NXPE4: variants seen among roughly 807,000 people sequenced by gnomAD.
NXPE4 encodes neurexophilin and PC-esterase domain family member 4, also known as NXPE family member 4.
Under a neutral mutation model 33.3 loss-of-function variants are expected in NXPE4, and 42 were observed. The observed-to-expected ratio is 1.26, with a 90% confidence interval of 0.98 to 1.63. The LOEUF (loss-of-function observed/expected upper bound fraction) is 1.63. Ranked by LOEUF, NXPE4 falls within the 40% of genes most tolerant of loss-of-function variation. NXPE4 has a pLI of 0.00. For synonymous variants in NXPE4, 253 were observed against 234.9 expected, an observed-to-expected ratio of 1.08 and a Z score of -0.71; for missense variants, 709 against 647.6, an observed-to-expected ratio of 1.09 and a Z score of -1.03.
the NXPE4 span, among the ~76,000 whole-genome samples, chr11:114,642,844 C>G: frequency 6.6e-6 from 1 of 152,090 alleles, no homozygotes; most frequent in Non-Finnish European, 1.5e-5. Flanking sequence ...GCCACACTGT[C>G]TTCCACAATG....
the NXPE4 span, among the ~76,000 whole-genome samples, chr11:114,663,441 G>A: frequency 2.0e-5 from 3 of 152,044 alleles, no homozygotes; most frequent in Non-Finnish European, 2.9e-5. Context: ...TAAAATGGGG[G>A]TTGTCTTAGA....
At chr11:114,630,568 C>T in the NXPE4 span, among the ~76,000 whole-genome samples, 1 of 151,572 alleles carries the variant, frequency 6.6e-6, no homozygotes, top group Admixed American at 6.6e-5. Flanking sequence ...ACCATAAAAA[C>T]CCCAGAAGAA....
At chr11:114,642,052 AG>A in the NXPE4 span, among the ~76,000 whole-genome samples, 2 of 152,240 alleles carry the variant, frequency 1.3e-5, no homozygotes, top group African/African-American at 4.8e-5. Context: ...TTCTTTCCAA[AG>A]AATACAGCAT....
chr11:114,581,140 T>G (rs1206276739), intron 4 of NXPE4, among the ~76,000 whole-genome samples: 3 of 152,232 alleles, frequency 2.0e-5, no homozygotes, highest in African/African-American at 7.2e-5. Context: ...GTTTTAATGC[T>G]GAACTTGCAG....
the NXPE4 span, among the ~76,000 whole-genome samples, chr11:114,614,307 T>C: frequency 2.0e-5 from 3 of 151,470 alleles, no homozygotes; most frequent in Non-Finnish European, 4.4e-5. Flanking sequence ...TAGTAAGTAT[T>C]GCCTCGTAGG....
the NXPE4 span, among the ~76,000 whole-genome samples, chr11:114,639,339 G>A: frequency 6.6e-6 from 1 of 151,944 alleles, no homozygotes; most frequent in Non-Finnish European, 1.5e-5. Flanking sequence ...TATTAGGGTG[G>A]GAGTGACCCG....
chr11:114,605,830 A>G, the NXPE4 span, among the ~76,000 whole-genome samples: 1 of 151,592 alleles, frequency 6.6e-6, no homozygotes, highest in African/African-American at 2.4e-5. Context: ...GTGGAAAACA[A>G]GTATTGCCTC....
chr11:114,626,360 C>T, the NXPE4 span, among the ~76,000 whole-genome samples: 10 of 152,186 alleles, frequency 6.6e-5, no homozygotes, highest in African/African-American at 2.4e-4. Context: ...TCAAGTGGGT[C>T]CCTGACCCCT....
chr11:114,632,694 A>T, the NXPE4 span, among the ~76,000 whole-genome samples: 3 of 70,240 alleles, frequency 4.3e-5, no homozygotes, highest in African/African-American at 1.8e-4. Context: ...ATAAATTTAT[A>T]TATTTATATA....
chr11:114,580,116 T>A lies in NXPE4; in HGVS notation c.1099+16A>T, dbSNP rs763783654. Reference sequence around the variant, plus strand: ...TTCTGAAAGGGGTAAGAATTATAGCTTAGACTGAGGCATACTGTTGATACT... The same window carrying A: ...TTCTGAAAGGGGTAAGAATTATAGCATAGACTGAGGCATACTGTTGATACT... On this transcript the variant is annotated intron_variant, in intron 5 of 5. Coordinates refer to ENST00000375478, the MANE Select transcript of NXPE4 (RefSeq NM_001077639.2). 3.8e-5 allele frequency: 61 copies of A among 1,600,622 alleles called. No homozygotes were observed. The highest frequency in any genetic ancestry group is 2.7e-5 in the Non-Finnish European group (31 of 1,167,822).
At chr11:114,652,315 C>T in the NXPE4 span, among the ~76,000 whole-genome samples, 3 of 152,316 alleles carry the variant, frequency 2.0e-5, no homozygotes, top group African/African-American at 7.2e-5. Context: ...CCTTCCTACC[C>T]CTTTGGAAAG....
At chr11:114,616,590 G>A in the NXPE4 span, among the ~76,000 whole-genome samples, 3 of 140,202 alleles carry the variant, frequency 2.1e-5, no homozygotes, top group African/African-American at 7.8e-5. Context: ...TTACCCAGTG[G>A]ATAATGAGTA....
chr11:114,596,891 A>G (rs532638932), upstream of NXPE4, among the ~76,000 whole-genome samples: 40 of 152,320 alleles, frequency 2.6e-4, no homozygotes, highest in African/African-American at 8.9e-4. Context: ...TGCTTGACTT[A>G]AAGAACCAAG....
chr11:114,646,285 AT>A, the NXPE4 span, among the ~76,000 whole-genome samples: 114 of 151,688 alleles, frequency 7.5e-4, 1 homozygote, highest in Admixed American at 7.4e-3. Flanking sequence ...TTTTTCAAGA[AT>A]TTTTTTCATA....
chr11:114,579,860 T>A (rs997371390), intron 5 of NXPE4, among the ~76,000 whole-genome samples: 7 of 152,180 alleles, frequency 4.6e-5, no homozygotes, highest in Non-Finnish European at 1.0e-4. Context: ...TTTGGTTCCA[T>A]CAATAGTTTT....
In NXPE4 at chr11:114,582,365, A is replaced by T. The variant is rs1209516770; in HGVS notation, c.753T>A (p.Cys251Ter). The change falls in exon 3 of 6, where the codon TGT becomes TGA. Residue 251 changes from cysteine (C) to a stop codon, truncating the protein, a stop_gained. Transcript: ENST00000375478. LOFTEE classifies it high-confidence loss of function. Reference sequence around the variant, plus strand: ...TAGAATACATGTGAGTGAGTGCAGCACAGGGCATGTGTTGAGGCCTCACAC... The same window carrying T: ...TAGAATACATGTGAGTGAGTGCAGCTCAGGGCATGTGTTGAGGCCTCACAC... ...FYCVRPQHMP[C>*]AALTHMYSKN... is the part of the protein sequence containing the mutation. 6.2e-7 allele frequency: 1 copy of T among 1,613,996 alleles called. No homozygotes were observed. Among genetic ancestry groups the T allele is most frequent in the African/African-American group, 1.3e-5 (1 of 74,952 alleles).
chr11:114,592,435 A>G (rs1591355263), intron 2 of NXPE4, among the ~76,000 whole-genome samples: 2 of 152,072 alleles, frequency 1.3e-5, no homozygotes, highest in African/African-American at 4.8e-5. Context: ...AGCTACAAAA[A>G]CCCTAGGAAT....
At chr11:114,646,181 A>T in the NXPE4 span, among the ~76,000 whole-genome samples, 1 of 152,044 alleles carries the variant, frequency 6.6e-6, no homozygotes, top group Non-Finnish European at 1.5e-5. Flanking sequence ...TCTTAAACTA[A>T]CTATGTCTAA....
At chr11:114,617,777 G>A in the NXPE4 span, among the ~76,000 whole-genome samples, 2 of 152,120 alleles carry the variant, frequency 1.3e-5, no homozygotes, top group Non-Finnish European at 2.9e-5. Flanking sequence ...AATAAGTGTT[G>A]CCTTGTGGGT....
Sources: gnomAD v4.1 joint callset for allele counts (sites outside exome capture counted in the v4.1 genomes callset) on GRCh38, gnomAD v4.1.1 for gene constraint, MANE v1.5 for transcripts, NCBI Gene and HGNC (gene_info 2026-07-23, HGNC 2026-07-21) for gene names.